RABGAP1: variants seen among roughly 807,000 people sequenced by gnomAD.
The protein encoded by RABGAP1 is RAB GTPase activating protein 1.
In RABGAP1, 23 loss-of-function variants were observed where a neutral mutation model predicts 137.6. The ratio of observed to expected loss-of-function variants is 0.17; its 90% CI spans 0.12 to 0.24. The LOEUF is 0.24. Ranked by LOEUF, RABGAP1 falls within the 10% of genes least tolerant of loss-of-function variation. The pLI, the probability that RABGAP1 is intolerant of heterozygous loss-of-function variation, is 1.00. For synonymous variants in RABGAP1, 451 were observed against 450.7 expected (o/e 1.00, Z -0.01); for missense variants, 906 against 1,275.8 (o/e 0.71, Z 4.42).
upstream of RABGAP1, chr9:122,938,328 G>A (rs1464262253): frequency 6.6e-6 from 1 of 152,104 alleles, no homozygotes; most frequent in Non-Finnish European, 1.5e-5. Flanking sequence ...TCTATAGAGT[G>A]AACTTCAGTT....
At chr9:122,960,347 A>AC (rs1357564735) in intron 2 of RABGAP1, among the ~76,000 whole-genome samples, 2 of 152,214 alleles carry the variant, frequency 1.3e-5, no homozygotes, top group Non-Finnish European at 2.9e-5. Context: ...GTGTAATTTA[A>AC]CAAGCTAGTT....
intron 6 of RABGAP1, among the ~76,000 whole-genome samples, chr9:122,992,346 C>G (rs911631772): frequency 1.3e-4 from 20 of 151,938 alleles, no homozygotes; most frequent in Admixed American, 1.3e-3. Context: ...GCCTTTTTTT[C>G]TTTATTGAAA....
the RABGAP1 span, among the ~76,000 whole-genome samples, chr9:122,934,114 G>A: frequency 2.8e-4 from 40 of 141,344 alleles, no homozygotes; most frequent in Non-Finnish European, 5.3e-4. Context: ...GTCTCGCTCT[G>A]TCACCCAGGC....
chr9:122,962,673 C>T (rs1344019573), intron 2 of RABGAP1, among the ~76,000 whole-genome samples: 1 of 151,650 alleles, frequency 6.6e-6, no homozygotes, highest in African/African-American at 2.4e-5. Context: ...ATAATAGAGG[C>T]ACAAAAAAGA....
intron 13 of RABGAP1, chr9:123,063,328 G>A (rs909668357): frequency 3.9e-5 from 6 of 152,680 alleles, no homozygotes; most frequent in African/African-American, 1.4e-4. Flanking sequence ...TCTCTGGATT[G>A]TTTCCAGTTT....
intron 5 of RABGAP1, 50 bp from the exon 6 acceptor site, chr9:122,990,006 T>C (rs781161025): frequency 1.4e-6 from 2 of 1,471,194 alleles, no homozygotes; most frequent in Non-Finnish European, 9.3e-7. Flanking sequence ...TTAATAAAGG[T>C]ATTTTATATC....
At chr9:123,048,621 G>A (rs1193680278) in intron 13 of RABGAP1, among the ~76,000 whole-genome samples, 1 of 152,174 alleles carries the variant, frequency 6.6e-6, no homozygotes, top group African/African-American at 2.4e-5. Flanking sequence ...ATAAGTATTT[G>A]GAAGTTCATC....
At chr9:123,091,427 C>T (rs2035029496) in intron 21 of RABGAP1, among the ~76,000 whole-genome samples, 1 of 152,144 alleles carries the variant, frequency 6.6e-6, no homozygotes, top group Non-Finnish European at 1.5e-5. Context: ...ACTATGGTTT[C>T]ATCAGATTCT....
chr9:122,984,843 T>G, intron 3 of RABGAP1, 124 bp downstream of exon 3: 1 of 799,376 alleles, frequency 1.3e-6, no homozygotes, highest in Non-Finnish European at 1.9e-6. Context: ...GCAAAAACAT[T>G]CTCTAGAATC....
At chr9:123,000,432 A>G (rs1269470531) in intron 10 of RABGAP1, among the ~76,000 whole-genome samples, 1 of 152,108 alleles carries the variant, frequency 6.6e-6, no homozygotes, top group Non-Finnish European at 1.5e-5. Context: ...GGAAGATATC[A>G]AGGTCACCAC....
chr9:123,026,908 G>A (rs192318814), intron 13 of RABGAP1, among the ~76,000 whole-genome samples: 3 of 152,234 alleles, frequency 2.0e-5, no homozygotes, highest in African/African-American at 2.4e-5. Flanking sequence ...TTTTAATAAC[G>A]AGAGAATAAT....
intron 2 of RABGAP1, among the ~76,000 whole-genome samples, chr9:122,977,691 GA>G (rs1835834697): frequency 6.6e-6 from 1 of 152,094 alleles, no homozygotes; most frequent in Non-Finnish European, 1.5e-5. Flanking sequence ...CTGGGCGGCA[GA>G]ATGAGACTGT....
intron 16 of RABGAP1, 42 bp downstream of exon 16, chr9:123,073,719 G>T: frequency 6.2e-7 from 1 of 1,607,838 alleles, no homozygotes. Flanking sequence ...AAAGAGTACA[G>T]GACTAAGGAG....
At chr9:122,965,017 A>G (rs1253331620) in intron 2 of RABGAP1, among the ~76,000 whole-genome samples, 1 of 152,170 alleles carries the variant, frequency 6.6e-6, no homozygotes, top group Non-Finnish European at 1.5e-5. Context: ...AAAAGATTTC[A>G]AGAAAAGTGA....
intron 2 of RABGAP1, among the ~76,000 whole-genome samples, chr9:122,966,090 A>G (rs1227672023): frequency 1.3e-5 from 2 of 152,202 alleles, no homozygotes; most frequent in East Asian, 3.9e-4. Flanking sequence ...TTGGGTCAGG[A>G]GAACATATTA....
At chr9:123,039,413 A>G (rs2032841647) in intron 13 of RABGAP1, among the ~76,000 whole-genome samples, 1 of 152,154 alleles carries the variant, frequency 6.6e-6, no homozygotes, top group Non-Finnish European at 1.5e-5. Flanking sequence ...AAGTTTTAGT[A>G]AGTTTTATAG....
chr9:123,035,072 G>A, intron 13 of RABGAP1: 10 of 1,614,028 alleles, frequency 6.2e-6, no homozygotes, highest in Non-Finnish European at 8.5e-6. Context: ...TTCCACTGGG[G>A]CAAACCTGGA....
intron 16 of RABGAP1, 42 bp downstream of exon 16, chr9:123,073,719 G>A: frequency 6.2e-7 from 1 of 1,607,838 alleles, no homozygotes; most frequent in Non-Finnish European, 8.5e-7. Flanking sequence ...AAAGAGTACA[G>A]GACTAAGGAG....
At chr9:123,073,851 G>A (rs2034432456) in intron 16 of RABGAP1, among the ~76,000 whole-genome samples, 174 bp downstream of exon 16, 2 of 152,138 alleles carry the variant, frequency 1.3e-5, no homozygotes, top group South Asian at 4.1e-4. Flanking sequence ...TTAACAAAGT[G>A]TTAAACTTTC....
Sources: gnomAD v4.1 joint callset for allele counts (sites outside exome capture counted in the v4.1 genomes callset) on GRCh38, gnomAD v4.1.1 for gene constraint, MANE v1.5 for transcripts, NCBI Gene and HGNC (gene_info 2026-07-23, HGNC 2026-07-21) for gene names.